FAM13A: variants seen among roughly 807,000 people sequenced by gnomAD.
FAM13A encodes protein FAM13A.
FAM13A carries 76 observed loss-of-function variants against 129.6 expected under a neutral mutation model. The ratio of observed to expected loss-of-function variants is 0.59; its 90% confidence interval spans 0.49 to 0.71. FAM13A has a LOEUF of 0.71. Among genes scored for constraint, FAM13A ranks in the 30% least tolerant of loss-of-function variants. The pLI is 0.00. For missense variants in FAM13A, 1,108 were observed against 1,249.3 expected (o/e 0.89, Z 1.70); for synonymous variants, 443 against 449.9 (o/e 0.98, Z 0.20).
Position 88,987,847 on chromosome 4 carries a change from A to AAAAAAAAAAAAAT in FAM13A, c.605+3125_605+3126insATTTTTTTTTTTT, listed in dbSNP as rs1245998788. Among the ~76,000 whole-genome samples, 8 of 151,050 alleles carry AAAAAAAAAAAAAT rather than the reference A, an allele frequency of 5.3e-5. 1 individual carries two copies. The South Asian group carries it at 1.0e-3, about 20-fold the overall frequency. On this transcript the variant is annotated intron_variant, in intron 4 of 23. Coordinates refer to ENST00000264344, the MANE Select transcript of FAM13A (RefSeq NM_014883.4). The stretch of plus-strand genomic sequence containing the variant: ...ACAGTGAGACTCCTCTCAAAAAAAA[A>AAAAAAAAAAAAAT]AAAAAAAACTTAATCTGAATATAAC...
chr4:88,876,643 G>A (rs1240842959), intron 6 of FAM13A, among the ~76,000 whole-genome samples: 1 of 152,032 alleles, frequency 6.6e-6, no homozygotes, highest in Non-Finnish European at 1.5e-5. Context: ...CGAGGCTGGA[G>A]TGCAGTGGCT....
At chr4:88,751,603 A>G (rs1449696047) in intron 14 of FAM13A, among the ~76,000 whole-genome samples, 2 of 73,626 alleles carry the variant, frequency 2.7e-5, no homozygotes, top group Admixed American at 2.1e-4. Context: ...ATCAGTTTAG[A>G]TAATCTGTTA....
intron 14 of FAM13A, among the ~76,000 whole-genome samples, chr4:88,754,365 C>G (rs1196981832): frequency 6.6e-6 from 1 of 152,174 alleles, no homozygotes; most frequent in East Asian, 1.9e-4. Flanking sequence ...GGGAACATAT[C>G]TCTGAGTAAC....
intron 6 of FAM13A, among the ~76,000 whole-genome samples, chr4:88,859,685 T>TC (rs1739160104): frequency 6.6e-6 from 1 of 152,192 alleles, no homozygotes; most frequent in Non-Finnish European, 1.5e-5. Flanking sequence ...GAGAGCCATG[T>TC]CCTTAGACCA....
chr4:88,734,731 A>C (rs1411745861), intron 21 of FAM13A, among the ~76,000 whole-genome samples: 2 of 152,162 alleles, frequency 1.3e-5, no homozygotes, highest in East Asian at 3.9e-4. Context: ...GAGGCCAGGG[A>C]CTCTGGTAAG....
In FAM13A at chr4:88,984,974, T is replaced by A. The variant is rs529069748; in HGVS notation, c.605+5999A>T. 4.6e-5 allele frequency among the ~76,000 whole-genome samples: 7 copies of A among 152,168 alleles called. No individual in the cohort carries two copies. The East Asian group carries it at 1.3e-3, about 29-fold the overall frequency. ...AGAAATGAACACATAATTCTACACA[T>A]GACATGTACACAAATGTTCACAGCA... On this transcript the variant is annotated intron_variant, in intron 4 of 23. Transcript: ENST00000264344.
chr4:89,007,534 T>C (rs1295478656), intron 3 of FAM13A, among the ~76,000 whole-genome samples: 3 of 152,184 alleles, frequency 2.0e-5, no homozygotes, highest in African/African-American at 4.8e-5. Context: ...TCCCGAGACC[T>C]TGAACCAGAA....
At chr4:89,037,589 G>A (rs1377752953) in intron 1 of FAM13A, among the ~76,000 whole-genome samples, 1 of 152,166 alleles carries the variant, frequency 6.6e-6, no homozygotes, top group Admixed American at 6.5e-5. Flanking sequence ...CTGCTGAGAA[G>A]GAATGATTGT....
At chr4:89,001,432 T>C (rs893510446) in intron 3 of FAM13A, among the ~76,000 whole-genome samples, 2 of 152,218 alleles carry the variant, frequency 1.3e-5, no homozygotes, top group African/African-American at 4.8e-5. Flanking sequence ...GCATTGCTTA[T>C]AGAAAACCCA....
intron 6 of FAM13A, among the ~76,000 whole-genome samples, chr4:88,852,453 C>T (rs377352197): frequency 5.3e-5 from 8 of 152,146 alleles, no homozygotes; most frequent in African/African-American, 1.2e-4. Context: ...TGAGCCACGG[C>T]GCCTGGACTT....
intron 4 of FAM13A, among the ~76,000 whole-genome samples, chr4:88,982,672 G>A (rs1351643219): frequency 1.3e-5 from 2 of 152,116 alleles, no homozygotes; most frequent in African/African-American, 2.4e-5. Context: ...AGCAATTCCT[G>A]CTAATTTCTA....
chr4:89,025,261 T>TTTTTG (rs1767805348), intron 2 of FAM13A, among the ~76,000 whole-genome samples: 2 of 123,510 alleles, frequency 1.6e-5, no homozygotes, highest in African/African-American at 2.9e-5. Context: ...TTTTTTTTTT[T>TTTTTG]TTTTTTTTTT....
chr4:88,968,241 A>C (rs932017400), intron 4 of FAM13A, among the ~76,000 whole-genome samples: 2 of 152,160 alleles, frequency 1.3e-5, no homozygotes, highest in African/African-American at 2.4e-5. Context: ...ACCTACTTGG[A>C]AACAAAGGTC....
intron 5 of FAM13A, among the ~76,000 whole-genome samples, chr4:88,925,358 C>T (rs1366907781): frequency 1.3e-4 from 20 of 152,206 alleles, no homozygotes; most frequent in East Asian, 5.8e-4. Context: ...ACATACACCA[C>T]GGAATACTAT....
At chr4:88,858,358 G>A (rs1738900974) in intron 6 of FAM13A, among the ~76,000 whole-genome samples, 2 of 152,190 alleles carry the variant, frequency 1.3e-5, no homozygotes, top group Non-Finnish European at 2.9e-5. Context: ...CGTTTATACT[G>A]AGCAGTGTAG....
intron 6 of FAM13A, among the ~76,000 whole-genome samples, chr4:88,854,653 T>C (rs747027287): frequency 4.6e-5 from 7 of 152,246 alleles, no homozygotes; most frequent in African/African-American, 7.2e-5. Flanking sequence ...TGCCACTGGC[T>C]ATTTGAGATA....
Position 88,990,962 on chromosome 4 carries a change from C to T in FAM13A, c.605+11G>A. Reference sequence around the variant, plus strand: ...CATGATGATATTAACAGTAAAACTCCACTAACTTACTGAAAGCAATTTGGC... The same window carrying T: ...CATGATGATATTAACAGTAAAACTCTACTAACTTACTGAAAGCAATTTGGC... On this transcript the variant is annotated intron_variant, in intron 4 of 23. Coordinates refer to ENST00000264344, the MANE Select transcript of FAM13A (RefSeq NM_014883.4). 6.2e-7 allele frequency: 1 copy of T among 1,607,172 alleles called. No individual in the cohort carries two copies. The highest frequency in any genetic ancestry group is 1.1e-5 in the South Asian group (1 of 90,796).
At chr4:88,903,316 G>A (rs1431855018) in intron 6 of FAM13A, among the ~76,000 whole-genome samples, 3 of 152,086 alleles carry the variant, frequency 2.0e-5, no homozygotes, top group African/African-American at 7.2e-5. Flanking sequence ...CAAAGCTGGA[G>A]GTATCATGCT....
chr4:88,781,590 C>T (rs957607232), intron 10 of FAM13A, among the ~76,000 whole-genome samples: 2 of 152,022 alleles, frequency 1.3e-5, no homozygotes, highest in African/African-American at 4.8e-5. Context: ...TACCAATGGA[C>T]AGCTTTTGTA....
Sources: gnomAD v4.1 joint callset for allele counts (sites outside exome capture counted in the v4.1 genomes callset) on GRCh38, gnomAD v4.1.1 for gene constraint, MANE v1.5 for transcripts, NCBI Gene and HGNC (gene_info 2026-07-23, HGNC 2026-07-21) for gene names.